The following RUBCN variants were observed in gnomAD, a reference collection of about 807,000 sequenced individuals.
The protein encoded by RUBCN is rubicon autophagy regulator.
A neutral mutation model predicts 113.2 loss-of-function variants in RUBCN; 74 were observed. The observed-to-expected ratio is 0.65, with a 90% CI of 0.54 to 0.79. The LOEUF (loss-of-function observed/expected upper bound fraction) is 0.79, where lower values mean the gene tolerates loss of function less well. Ranked by LOEUF, RUBCN falls within the 30% of genes least tolerant of loss-of-function variation. RUBCN has a pLI of 0.00. For missense variants in RUBCN, 1,109 were observed against 1,251.7 expected, an observed-to-expected ratio of 0.89 and a Z score of 1.72; for synonymous variants, 480 against 490.0, an observed-to-expected ratio of 0.98 and a Z score of 0.27.
At chr3:197,709,675 C>T (rs1035637679) in intron 2 of RUBCN, among the ~76,000 whole-genome samples, 25 of 152,006 alleles carry the variant, frequency 1.6e-4, no homozygotes, top group Middle Eastern at 3.2e-3. Context: ...CCACCGCGCC[C>T]GGCCTGAAAA....
intron 11 of RUBCN, chr3:197,691,102 C>G: frequency 7.8e-7 from 1 of 1,289,690 alleles, no homozygotes; most frequent in Non-Finnish European, 1.0e-6. Flanking sequence ...GTGACACTGA[C>G]AGTCCGTTCT....
intron 2 of RUBCN, among the ~76,000 whole-genome samples, chr3:197,708,249 C>T (rs1175877139): frequency 6.6e-6 from 1 of 151,934 alleles, no homozygotes; most frequent in African/African-American, 2.4e-5. Context: ...GATTCTCCTG[C>T]CTCAGCCTCC....
chr3:197,716,445 C>T (rs771510899), intron 2 of RUBCN, among the ~76,000 whole-genome samples: 2 of 152,178 alleles, frequency 1.3e-5, no homozygotes, highest in African/African-American at 2.4e-5. Context: ...TCTGTAGAAA[C>T]ATTTCATGCA....
At chr3:197,735,136 A>C (rs182608854) in intron 1 of RUBCN, among the ~76,000 whole-genome samples, 1 of 152,352 alleles carries the variant, frequency 6.6e-6, no homozygotes, top group Non-Finnish European at 1.5e-5. Context: ...CACACCTGTT[A>C]ATTCCAGCAC....
chr3:197,730,834 C>T (rs547753929), intron 1 of RUBCN, among the ~76,000 whole-genome samples: 1 of 145,080 alleles, frequency 6.9e-6, no homozygotes, highest in Non-Finnish European at 1.5e-5. Flanking sequence ...TCTCTCCCAA[C>T]ACTCAGCTTT....
rs533174549 is a variant in RUBCN at position 197,681,604 on chromosome 3, C to T, written c.2191+231G>A. Among the ~76,000 whole-genome samples, 2 of 152,314 alleles carry T rather than the reference C, an allele frequency of 1.3e-5. No individual in the cohort carries two copies. The highest frequency in any genetic ancestry group is 3.9e-4 in the East Asian group (2 of 5,180). On this transcript the variant is annotated intron_variant, in intron 15 of 19. Transcript: ENST00000296343. The surrounding 1 kb of genome is among the most constrained non-coding windows in gnomAD (Gnocchi z 5.5). ...TGGAGATAGTAAGATCCCGCCTTAC[C>T]AGCTAGCTGGAACTACCCAACTTTC...
chr3:197,701,450 G>A (rs11927818), intron 6 of RUBCN, among the ~76,000 whole-genome samples: 8,196 of 152,266 alleles, frequency 0.054, 806 homozygotes, highest in African/African-American at 0.19. Context: ...ATCATTCGGT[G>A]TTAGCTAGTA....
chr3:197,742,550 G>A (rs1004922378), intron 1 of RUBCN, among the ~76,000 whole-genome samples: 1 of 152,176 alleles, frequency 6.6e-6, no homozygotes. Context: ...ACGAATGTTC[G>A]TTTTGTCCCT....
chr3:197,671,890 GTTTGC>G lies in RUBCN; in HGVS notation c.*3123_*3127del, dbSNP rs999593668. ...CACTTTCCTTGATGTGTGTGGTCCA[GTTTGC>G]TTTACATTATAACACAGAAACCTTC... On this transcript the variant is annotated 3_prime_UTR_variant, in exon 20 of 20. Coordinates refer to ENST00000296343, the MANE Select transcript of RUBCN (RefSeq NM_014687.4). The G allele has an allele frequency of 6.6e-6, 1 of 152,226 alleles. No homozygotes were observed. Among genetic ancestry groups the G allele is most frequent in the Non-Finnish European group, 1.5e-5 (1 of 68,048 alleles). The allele number at this position is 152,226 out of a possible 1,614,324, so 9.4% of individuals were successfully genotyped here.
At chr3:197,736,951 G>A (rs1014288546), upstream of RUBCN, 1 of 1,308,046 alleles carries the variant, frequency 7.6e-7, no homozygotes. Context: ...AGCACTCCGA[G>A]GCTAGGCCGC....
chr3:197,742,228 C>T (rs1728554100), intron 1 of RUBCN, among the ~76,000 whole-genome samples: 1 of 152,130 alleles, frequency 6.6e-6, no homozygotes, highest in Non-Finnish European at 1.5e-5. Flanking sequence ...TGCAGTGGCT[C>T]ACGCCTGTAA....
rs1719797453 is a variant in RUBCN, at chr3:197,671,604, T to C, written c.*3414A>G. Reference sequence around the variant, plus strand: ...TTTATGCTGGTTTTAGACACACTGGTTGGAGATGACAAGGGGACATTTAAG... The same window carrying C: ...TTTATGCTGGTTTTAGACACACTGGCTGGAGATGACAAGGGGACATTTAAG... On this transcript the variant is annotated 3_prime_UTR_variant, in exon 20 of 20. Transcript: ENST00000296343. The C allele has an allele frequency of 6.6e-6, 1 of 152,138 alleles. No individual in the cohort carries two copies. The highest frequency in any genetic ancestry group is 2.4e-5 in the African/African-American group (1 of 41,418). 9.4% of individuals were successfully genotyped at this position (152,138 alleles called of 1,614,324 possible).
Position 197,681,821 on chromosome 3 carries a change from G to A in RUBCN, c.2191+14C>T. ...GCCTCTGGAGGCAGCATGGTGGGAA[G>A]GGAAGGCACTCACCAGGGTCAGTCC... On this transcript the variant is annotated intron_variant, in intron 15 of 19. Coordinates refer to ENST00000296343, the MANE Select transcript of RUBCN (RefSeq NM_014687.4). The surrounding 1 kb of genome is among the most constrained non-coding windows in gnomAD (Gnocchi z 5.5). 1 of 1,612,162 alleles carries A rather than the reference G, an allele frequency of 6.2e-7. No individual in the cohort carries two copies. The highest frequency in any genetic ancestry group is 1.3e-5 in the African/African-American group (1 of 74,998).
chr3:197,720,915 A>C (rs999461245), intron 1 of RUBCN, among the ~76,000 whole-genome samples: 1 of 152,030 alleles, frequency 6.6e-6, no homozygotes, highest in Non-Finnish European at 1.5e-5. Flanking sequence ...ACTAACTTAC[A>C]TTCCCACCAG....
chr3:197,684,324 G>T, intron 11 of RUBCN, 107 bp from the exon 12 acceptor site: 1 of 833,378 alleles, frequency 1.2e-6, no homozygotes, highest in South Asian at 1.3e-5. Flanking sequence ...GTAACAGCCA[G>T]GTGCCACACT....
At chr3:197,716,281 C>T (rs1314062347) in intron 2 of RUBCN, among the ~76,000 whole-genome samples, 1 of 152,200 alleles carries the variant, frequency 6.6e-6, no homozygotes, top group African/African-American at 2.4e-5. Flanking sequence ...GTGCGCGCCA[C>T]CACGCCCGGC....
At chr3:197,718,210 G>T (rs1411417105) in intron 1 of RUBCN, 80 bp from the exon 2 acceptor site, 7 of 1,522,862 alleles carry the variant, frequency 4.6e-6, no homozygotes, top group Non-Finnish European at 5.5e-6. Context: ...AGTCTAAGCC[G>T]AGGAGCCTCC....
chr3:197,683,300 G>A lies in RUBCN; in HGVS notation c.1980+7C>T, dbSNP rs1267366348. 1 of 1,614,154 alleles carries A rather than the reference G, an allele frequency of 6.2e-7. No homozygotes were observed. The highest frequency in any genetic ancestry group is 8.5e-7 in the Non-Finnish European group (1 of 1,180,030). ...CCCCTGGGTAGGAAGAAGAGCTAAG[G>A]ACCTACCTTCTGAGGGGCATCATGC... is the stretch of plus-strand genomic sequence containing the variant. On this transcript the variant is annotated splice_region_variant and intron_variant, in intron 13 of 19. Coordinates refer to ENST00000296343, the MANE Select transcript of RUBCN (RefSeq NM_014687.4). The surrounding 1 kb of genome is among the most constrained non-coding windows in gnomAD (Gnocchi z 4.6).
intron 1 of RUBCN, among the ~76,000 whole-genome samples, chr3:197,732,739 A>G (rs1441459712): frequency 2.0e-5 from 3 of 152,200 alleles, no homozygotes; most frequent in Non-Finnish European, 4.4e-5. Context: ...AACAATAGGG[A>G]AGCCCATCAC....
Sources: allele counts gnomAD v4.1 joint callset (sites outside exome capture counted in the v4.1 genomes callset), GRCh38; gene constraint gnomAD v4.1.1; non-coding constraint Gnocchi (gnomAD v3.1); transcripts MANE v1.5; gene names NCBI Gene and HGNC (gene_info 2026-07-23, HGNC 2026-07-21).